Variants in ABL2 observed in about 807,000 individuals in gnomAD.
ABL2 encodes tyrosine-protein kinase ABL2.
Under a neutral mutation model 107.7 loss-of-function variants are expected in ABL2, and 49 were observed. That is an observed-to-expected ratio of 0.45 (90% CI 0.36 to 0.58). The LOEUF (loss-of-function observed/expected upper bound fraction) is 0.58. Ranked by LOEUF, ABL2 falls within the 20% of genes least tolerant of loss-of-function variation. The pLI, the probability that ABL2 is intolerant of heterozygous loss-of-function variation, is 0.00. For missense variants in ABL2, 1,245 were observed against 1,457.0 expected, an observed-to-expected ratio of 0.85 and a Z score of 2.37; for synonymous variants, 549 against 548.6, an observed-to-expected ratio of 1.00 and a Z score of -0.01.
chr1:179,114,740 G>T, intron 9 of ABL2, 138 bp downstream of exon 9: 1 of 863,464 alleles, frequency 1.2e-6, no homozygotes, highest in South Asian at 3.2e-5. Context: ...ACAACTGGCT[G>T]ATCAATGATA....
At chr1:179,218,914 A>G (rs1662725763) in intron 1 of ABL2, among the ~76,000 whole-genome samples, 1 of 152,242 alleles carries the variant, frequency 6.6e-6, no homozygotes, top group Non-Finnish European at 1.5e-5. Context: ...AAGTAGCTAC[A>G]TATTTACCTC....
intron 1 of ABL2, among the ~76,000 whole-genome samples, chr1:179,226,441 T>C (rs887341008): frequency 2.0e-5 from 3 of 151,436 alleles, no homozygotes; most frequent in African/African-American, 7.3e-5. Flanking sequence ...CCTGAGTAGC[T>C]AGGACTACAG....
intron 1 of ABL2, among the ~76,000 whole-genome samples, chr1:179,168,139 G>A (rs868342762): frequency 2.0e-5 from 3 of 152,150 alleles, no homozygotes; most frequent in Admixed American, 6.6e-5. Context: ...TAGGTTCCTG[G>A]ATACATTTAA....
At chr1:179,113,458 G>A (rs1485858716) in intron 9 of ABL2, among the ~76,000 whole-genome samples, 1 of 152,186 alleles carries the variant, frequency 6.6e-6, no homozygotes, top group Non-Finnish European at 1.5e-5. Context: ...GTGCAACAGA[G>A]AACGTCAATG....
intron 1 of ABL2, among the ~76,000 whole-genome samples, chr1:179,138,841 G>A (rs1348852356): frequency 6.6e-6 from 1 of 152,244 alleles, no homozygotes; most frequent in African/African-American, 2.4e-5. Flanking sequence ...GGTGTGGAGG[G>A]AGAGGCGCCA....
In ABL2 at chr1:179,109,298, T is replaced by C. The variant is rs1653812209; in HGVS notation, c.1969A>G (p.Met657Val). 3 of 1,613,916 alleles carry C rather than the reference T, an allele frequency of 1.9e-6. No homozygotes were observed. The highest frequency in any genetic ancestry group is 2.5e-6 in the Non-Finnish European group (3 of 1,180,010). ...DRKGGFFSSF[M>V]KKRNAPTPPK... is the part of the protein sequence containing the mutation. Reference sequence around the variant, plus strand: ...GGTGTAGGAGCATTTCTCTTCTTCATGAAGGAGCTGAAGAAGCCCCCCTTC... The same window carrying C: ...GGTGTAGGAGCATTTCTCTTCTTCACGAAGGAGCTGAAGAAGCCCCCCTTC... Residue 657 changes from methionine (M) to valine (V), a missense_variant, in exon 12 of 12, where the codon ATG (methionine) becomes GTG (valine). Met to Val is a conservative substitution (Grantham distance 21, BLOSUM62 1). Transcript: ENST00000502732.
intron 1 of ABL2, among the ~76,000 whole-genome samples, chr1:179,177,608 G>A (rs547246868): frequency 3.7e-4 from 57 of 152,040 alleles, no homozygotes; most frequent in Non-Finnish European, 7.4e-4. Flanking sequence ...AATTGGAGGT[G>A]GTAAAACAGT....
chr1:179,129,434 A>T (rs1157013164), intron 3 of ABL2, among the ~76,000 whole-genome samples: 1 of 152,242 alleles, frequency 6.6e-6, no homozygotes, highest in Non-Finnish European at 1.5e-5. Flanking sequence ...CTGTAACCCC[A>T]GCACTTTGGG....
chr1:179,102,687 G>T lies in ABL2; in HGVS notation c.*5031C>A, dbSNP rs1412557717. The stretch of plus-strand genomic sequence containing the variant: ...AACCCAATATGAACTCCTGGTAGGG[G>T]CACAGCCTGATAACAAGAATGACAT... On this transcript the variant is annotated 3_prime_UTR_variant, in exon 12 of 12. Coordinates refer to ENST00000502732, the MANE Select transcript of ABL2 (RefSeq NM_007314.4). 4 of 229,950 alleles carry T rather than the reference G, an allele frequency of 1.7e-5. No homozygotes were observed. Among genetic ancestry groups the T allele is most frequent in the Non-Finnish European group, 3.4e-5 (4 of 116,100 alleles). 14.2% of individuals were successfully genotyped at this position (229,950 alleles called of 1,614,324 possible). A position where few individuals can be genotyped will look rare whatever the true frequency, so the allele number is the denominator to read the frequency against.
At chr1:179,186,682 T>A (rs1401909078) in intron 1 of ABL2, among the ~76,000 whole-genome samples, 1 of 151,984 alleles carries the variant, frequency 6.6e-6, no homozygotes, top group Non-Finnish European at 1.5e-5. Flanking sequence ...TATTTAAAGT[T>A]TTGTCAATAT....
intron 1 of ABL2, among the ~76,000 whole-genome samples, chr1:179,155,889 G>GT (rs1269795455): frequency 1.1e-4 from 17 of 151,952 alleles, no homozygotes. Flanking sequence ...CTTCCCTTTG[G>GT]TTTTTCCTCA....
chr1:179,128,673 C>G (rs529142217), intron 3 of ABL2, among the ~76,000 whole-genome samples: 1 of 152,084 alleles, frequency 6.6e-6, no homozygotes, highest in Non-Finnish European at 1.5e-5. Flanking sequence ...ACTGGCAGAG[C>G]AACCCTAGGG....
intron 1 of ABL2, among the ~76,000 whole-genome samples, chr1:179,165,859 G>A (rs2011265): frequency 0.14 from 20,620 of 151,552 alleles, 1,538 homozygotes; most frequent in East Asian, 0.23. Context: ...GTAGTGGCGC[G>A]ACCTTGGCTC....
At chr1:179,195,034 T>C (rs559272327) in intron 1 of ABL2, among the ~76,000 whole-genome samples, 1 of 152,308 alleles carries the variant, frequency 6.6e-6, no homozygotes, top group South Asian at 2.1e-4. Flanking sequence ...ACGCCTGTAA[T>C]CCCTGCATTT....
intron 3 of ABL2, among the ~76,000 whole-genome samples, chr1:179,129,878 A>G (rs564547324): frequency 4.9e-4 from 75 of 152,200 alleles, no homozygotes; most frequent in African/African-American, 1.5e-3. Context: ...ATTCTGTCCT[A>G]TGTACAATTG....
rs1435839075 is a variant in ABL2 at position 179,229,452 on chromosome 1, G to A, written c.-55C>T. 22 of 1,432,892 alleles carry A rather than the reference G, an allele frequency of 1.5e-5. 1 individual carries two copies. In the East Asian group the frequency reaches 4.8e-4, roughly 31 times the overall value. The allele number at this position is 1,432,892 out of a possible 1,614,324, so 88.8% of individuals were successfully genotyped here. ...CCGACCCCTGGTCACATTCCTCCTC[G>A]GCTCCGGCCTCGGGCTCCTGGCGCT... On this transcript the variant is annotated 5_prime_UTR_variant, in exon 1 of 12. Transcript: ENST00000502732.
chr1:179,189,139 A>G (rs919681820), intron 1 of ABL2, among the ~76,000 whole-genome samples: 3 of 151,894 alleles, frequency 2.0e-5, no homozygotes, highest in Non-Finnish European at 1.5e-5. Flanking sequence ...TGTTGTTGTT[A>G]TTGTTGTTGT....
rs2306941 is a variant in ABL2 at position 179,229,518 on chromosome 1, T to C, written c.-121A>G. ...TCCCAGCCCAGGCCCTGGCCCTGAG[T>C]GGCTGGGCCACCGGCGGCTCCGCAC... On this transcript the variant is annotated 5_prime_UTR_variant, in exon 1 of 12. Coordinates refer to ENST00000502732, the MANE Select transcript of ABL2 (RefSeq NM_007314.4). 545,228 of 1,112,854 alleles carry C rather than the reference T, an allele frequency of 0.49. 134,526 individuals carry two copies. Among genetic ancestry groups the C allele is most frequent in the Admixed American group, 0.54 (12,915 of 23,856 alleles). The allele number at this position is 1,112,854 out of a possible 1,614,324, so 68.9% of individuals were successfully genotyped here. A position where few individuals can be genotyped will look rare whatever the true frequency, so the allele number is the denominator to read the frequency against.
chr1:179,224,378 T>C (rs1416358427), intron 1 of ABL2, among the ~76,000 whole-genome samples: 1 of 151,844 alleles, frequency 6.6e-6, no homozygotes, highest in East Asian at 2.0e-4. Flanking sequence ...GGGATTCTCC[T>C]GTCTCAGCCT....
Sources: allele counts gnomAD v4.1 joint callset (sites outside exome capture counted in the v4.1 genomes callset), GRCh38; gene constraint gnomAD v4.1.1; transcripts MANE v1.5; gene names NCBI Gene and HGNC (gene_info 2026-07-23, HGNC 2026-07-21).